The following CLPB variants were observed in gnomAD, a reference collection of about 807,000 sequenced individuals.
The protein encoded by CLPB is mitochondrial disaggregase.
A neutral mutation model predicts 78.4 loss-of-function variants in CLPB; 40 were observed. The observed-to-expected ratio is 0.51, with a 90% CI of 0.40 to 0.66. CLPB has a LOEUF of 0.66. Among genes scored for constraint, CLPB ranks in the 30% least tolerant of loss-of-function variants. CLPB has a pLI of 0.00. For synonymous variants in CLPB, 333 were observed against 348.0 expected (o/e 0.96, Z 0.48); for missense variants, 780 against 886.9 (o/e 0.88, Z 1.53).
rs565772405 is a variant in CLPB at position 72,295,718 on chromosome 11, T to A, written c.1330-70A>T. On this transcript the variant is annotated intron_variant, in intron 11 of 15. Transcript: ENST00000538039. Reference sequence around the variant, plus strand: ...CTGGGCAGGCCTTAGCACTCTCAGTTCTCACCTCCTTCAGGAGGCCTCCCC... The same window carrying A: ...CTGGGCAGGCCTTAGCACTCTCAGTACTCACCTCCTTCAGGAGGCCTCCCC... The A allele has an allele frequency of 6.0e-6, 9 of 1,504,644 alleles. No homozygotes were observed. In the South Asian group the frequency reaches 9.7e-5, roughly 16 times the overall value. The allele number at this position is 1,504,644 out of a possible 1,614,324, so 93.2% of individuals were successfully genotyped here.
chr11:72,293,721 G>A lies in CLPB; in HGVS notation c.1786-106C>T, dbSNP rs138000635. On this transcript the variant is annotated intron_variant, in intron 15 of 15. Transcript: ENST00000538039. ...CAACTCAGAGACCTCCTTTGAGCCT[G>A]AGCCTCAGCTTTCTCATTTGCCAAT... is the stretch of plus-strand genomic sequence containing the variant. 3.7e-3 allele frequency: 5,072 copies of A among 1,359,696 alleles called. 18 individuals carry two copies. Among genetic ancestry groups the A allele is most frequent in the Non-Finnish European group, 4.3e-3 (4,331 of 1,016,330 alleles). The allele number at this position is 1,359,696 out of a possible 1,614,324, so 84.2% of individuals were successfully genotyped here.
At chr11:72,421,198 C>A (rs1335108384) in intron 2 of CLPB, among the ~76,000 whole-genome samples, 1 of 152,204 alleles carries the variant, frequency 6.6e-6, no homozygotes, top group Non-Finnish European at 1.5e-5. Context: ...TCTGTATATA[C>A]CTGGCTGGTA....
At chr11:72,434,044 C>G in intron 1 of CLPB, 28 bp downstream of exon 1, 1 of 1,602,140 alleles carries the variant, frequency 6.2e-7, no homozygotes, top group Non-Finnish European at 8.5e-7. Context: ...CCGCCTCTCC[C>G]TTCCTCAAAC....
chr11:72,397,083 A>T (rs1230989757), intron 3 of CLPB, among the ~76,000 whole-genome samples: 1 of 152,186 alleles, frequency 6.6e-6, no homozygotes, highest in Non-Finnish European at 1.5e-5. Flanking sequence ...CCCATTCCCA[A>T]ACACTGGCAA....
At chr11:72,419,523 C>T (rs1329873721) in intron 2 of CLPB, among the ~76,000 whole-genome samples, 1 of 152,214 alleles carries the variant, frequency 6.6e-6, no homozygotes, top group African/African-American at 2.4e-5. Flanking sequence ...AAAATAAAGA[C>T]AAAGCTTCTT....
intron 3 of CLPB, among the ~76,000 whole-genome samples, chr11:72,389,813 C>T (rs2135042390): frequency 6.6e-6 from 1 of 152,142 alleles, no homozygotes; most frequent in African/African-American, 2.4e-5. Flanking sequence ...GTAGTTCCAG[C>T]TACTCGGGAG....
chr11:72,286,226 T>G lies in CLPB; in HGVS notation c.*7141A>C, dbSNP rs1949387805. 1 of 125,744 alleles carries G rather than the reference T, an allele frequency of 8.0e-6. No homozygotes were observed. Among genetic ancestry groups the G allele is most frequent in the Non-Finnish European group, 1.6e-5 (1 of 60,944 alleles). 7.8% of individuals were successfully genotyped at this position (125,744 alleles called of 1,614,324 possible). ...ACAGGTGTGAGATACTGCACCTGTT[T>G]TTTTTTTTTTTTTTTTTTTTAAGAG... On this transcript the variant is annotated 3_prime_UTR_variant, in exon 16 of 16. Coordinates refer to ENST00000538039, the MANE Select transcript of CLPB (RefSeq NM_001258392.3).
chr11:72,347,480 T>C (rs1478080978), intron 5 of CLPB, among the ~76,000 whole-genome samples: 1 of 152,098 alleles, frequency 6.6e-6, no homozygotes, highest in African/African-American at 2.4e-5. Flanking sequence ...TATCTCTTCA[T>C]AGAGTGCTAA....
At chr11:72,384,891 T>C (rs1004023338) in intron 3 of CLPB, among the ~76,000 whole-genome samples, 16 of 152,166 alleles carry the variant, frequency 1.1e-4, no homozygotes, top group Non-Finnish European at 1.5e-4. Flanking sequence ...CACCTAGATA[T>C]ATAAAGCAAC....
At chr11:72,420,593 A>G (rs1856165540) in intron 2 of CLPB, among the ~76,000 whole-genome samples, 1 of 152,260 alleles carries the variant, frequency 6.6e-6, no homozygotes, top group Non-Finnish European at 1.5e-5. Context: ...GCTGCCCTCC[A>G]AAACTCACAG....
chr11:72,364,501 C>T (rs1272604472), intron 4 of CLPB, among the ~76,000 whole-genome samples: 1 of 151,680 alleles, frequency 6.6e-6, no homozygotes, highest in Non-Finnish European at 1.5e-5. Context: ...GTCACTGCGC[C>T]CGGCCAAAAA....
intron 5 of CLPB, among the ~76,000 whole-genome samples, chr11:72,336,146 G>A (rs1004324092): frequency 3.3e-5 from 5 of 152,044 alleles, no homozygotes; most frequent in Non-Finnish European, 7.4e-5. Flanking sequence ...GGGGGTGGGA[G>A]GAGGCTTGTC....
In CLPB at chr11:72,290,764, C is replaced by G. The variant is rs377463693; in HGVS notation, c.*2603G>C. On this transcript the variant is annotated 3_prime_UTR_variant, in exon 16 of 16. Transcript: ENST00000538039. Reference sequence around the variant, plus strand: ...TTCAAGACCAGCCTGGCCAACATGGCGAAAACCTGTCTCTACTAAAAATAC... The same window carrying G: ...TTCAAGACCAGCCTGGCCAACATGGGGAAAACCTGTCTCTACTAAAAATAC... 3.3e-5 allele frequency: 5 copies of G among 151,940 alleles called. No homozygotes were observed. The East Asian group carries it at 9.7e-4, about 29-fold the overall frequency. 9.4% of individuals were successfully genotyped at this position (151,940 alleles called of 1,614,324 possible). A position where few individuals can be genotyped will look rare whatever the true frequency, so the allele number is the denominator to read the frequency against.
intron 6 of CLPB, among the ~76,000 whole-genome samples, chr11:72,325,095 C>T (rs1950109091): frequency 6.6e-6 from 1 of 152,036 alleles, no homozygotes; most frequent in Non-Finnish European, 1.5e-5. Context: ...CTGGCACGAG[C>T]ACGTTCCCCT....
At chr11:72,320,718 T>C (rs1168157466) in intron 6 of CLPB, among the ~76,000 whole-genome samples, 3 of 152,096 alleles carry the variant, frequency 2.0e-5, no homozygotes, top group Admixed American at 6.5e-5. Flanking sequence ...TTATTTTATA[T>C]ATATATATTT....
At chr11:72,302,192 A>G (rs1195915153) in intron 10 of CLPB, 112 bp downstream of exon 10, 3 of 1,214,534 alleles carry the variant, frequency 2.5e-6, no homozygotes, top group Non-Finnish European at 2.4e-6. Context: ...TGTGCTCCCA[A>G]CGACAAATCC....
chr11:72,418,556 G>A (rs1203233087), intron 2 of CLPB, among the ~76,000 whole-genome samples: 1 of 152,170 alleles, frequency 6.6e-6, no homozygotes, highest in African/African-American at 2.4e-5. Context: ...TCCTGCTAAT[G>A]ATAAGAAATC....
intron 2 of CLPB, chr11:72,410,792 A>G (rs1425619983): frequency 6.6e-6 from 1 of 152,254 alleles, no homozygotes; most frequent in African/African-American, 2.4e-5. Context: ...TGGAGAGTCC[A>G]GCAGGCTAAA....
Position 72,334,941 on chromosome 11 carries a change from T to A in CLPB, c.776-5137A>T, listed in dbSNP as rs549352421. 7.9e-5 allele frequency among the ~76,000 whole-genome samples: 12 copies of A among 152,392 alleles called. No homozygotes were observed. The South Asian group carries it at 2.3e-3, about 29-fold the overall frequency. On this transcript the variant is annotated intron_variant, in intron 5 of 15. Transcript: ENST00000538039. ...CTGGCAGCACTGCTGCGGCTGCGCC[T>A]GCCCGCTACAGCTGTGGAAGGTCAC...
Sources: allele counts gnomAD v4.1 joint callset (sites outside exome capture counted in the v4.1 genomes callset), GRCh38; gene constraint gnomAD v4.1.1; transcripts MANE v1.5; gene names NCBI Gene and HGNC (gene_info 2026-07-23, HGNC 2026-07-21).